The following ANTXR1 variants were observed in gnomAD, a reference collection of about 807,000 sequenced individuals.
The protein encoded by ANTXR1 is anthrax toxin receptor 1.
In ANTXR1, 19 loss-of-function variants were observed where a neutral mutation model predicts 78.1. The observed-to-expected ratio is 0.24, with a 90% CI of 0.17 to 0.36. The LOEUF is 0.36. Ranked by LOEUF, ANTXR1 falls within the 10% of genes least tolerant of loss-of-function variation. The pLI is 1.00. For synonymous variants in ANTXR1, 273 were observed against 260.5 expected (o/e 1.05, Z -0.46); for missense variants, 518 against 718.6 (o/e 0.72, Z 3.19).
rs1673970735 is a variant in ANTXR1 at position 69,171,080 on chromosome 2, A to G, written c.1089+791A>G. Reference sequence around the variant, plus strand: ...TCTAAACACTCAATGAGACCAAAAGATAGATTGATAAGGTTTCAAGTTCTT... The same window carrying G: ...TCTAAACACTCAATGAGACCAAAAGGTAGATTGATAAGGTTTCAAGTTCTT... On this transcript the variant is annotated intron_variant, in intron 14 of 17. Transcript: ENST00000303714. Among the ~76,000 whole-genome samples the G allele has an allele frequency of 3.9e-5, 6 of 152,368 alleles. No homozygotes were observed. In the South Asian group the frequency reaches 1.0e-3, roughly 26 times the overall value.
intron 13 of ANTXR1, among the ~76,000 whole-genome samples, chr2:69,166,837 CAG>C (rs1298888173): frequency 6.6e-6 from 1 of 152,198 alleles, no homozygotes; most frequent in East Asian, 1.9e-4. Flanking sequence ...TAGTTGGAAA[CAG>C]AGGATTTCTA....
chr2:69,053,907 C>T (rs912627174), intron 3 of ANTXR1, among the ~76,000 whole-genome samples: 12 of 152,136 alleles, frequency 7.9e-5, no homozygotes, highest in Non-Finnish European at 1.5e-5. Flanking sequence ...CATTACAAAG[C>T]TACCCAGTAC....
chr2:69,043,117 A>C (rs1377528245), intron 2 of ANTXR1, among the ~76,000 whole-genome samples: 1 of 152,148 alleles, frequency 6.6e-6, no homozygotes, highest in East Asian at 1.9e-4. Flanking sequence ...CCAGAGCTGA[A>C]CTTGACAGAA....
chr2:69,070,577 A>G, intron 3 of ANTXR1, 70 bp from the exon 4 acceptor site: 2 of 1,380,268 alleles, frequency 1.4e-6, no homozygotes, highest in Non-Finnish European at 2.1e-6. Context: ...GAAGAAGACT[A>G]GTACTTATGA....
chr2:69,142,217 C>A (rs1346346717), intron 12 of ANTXR1, among the ~76,000 whole-genome samples: 1 of 152,170 alleles, frequency 6.6e-6, no homozygotes, highest in Non-Finnish European at 1.5e-5. Flanking sequence ...GGGAATTGAG[C>A]AGCCACAGGA....
intron 6 of ANTXR1, among the ~76,000 whole-genome samples, chr2:69,074,073 C>T (rs1472895015): frequency 2.0e-5 from 3 of 152,202 alleles, no homozygotes; most frequent in Non-Finnish European, 2.9e-5. Context: ...AAACTAGAGG[C>T]ACAGAGGTGA....
chr2:69,141,078 C>T (rs1245732406), intron 12 of ANTXR1, among the ~76,000 whole-genome samples: 1 of 152,160 alleles, frequency 6.6e-6, no homozygotes, highest in South Asian at 2.1e-4. Context: ...ACATGGATGG[C>T]AATCTTAAGG....
intron 3 of ANTXR1, among the ~76,000 whole-genome samples, chr2:69,048,627 A>G (rs1387959974): frequency 6.6e-6 from 1 of 152,122 alleles, no homozygotes; most frequent in African/African-American, 2.4e-5. Flanking sequence ...TTTACCAACA[A>G]CTTGAACAGT....
At chr2:69,170,425 T>G in intron 14 of ANTXR1, 136 bp downstream of exon 14, 1 of 1,012,000 alleles carries the variant, frequency 9.9e-7, no homozygotes, top group South Asian at 1.4e-5. Context: ...TACCTGCCTG[T>G]GAAGCAGAAG....
intron 11 of ANTXR1, 55 bp downstream of exon 11, chr2:69,123,141 T>G: frequency 6.4e-7 from 1 of 1,560,874 alleles, no homozygotes. Flanking sequence ...AGAGGAGGTG[T>G]ACGGGGACAG....
chr2:69,157,342 C>G (rs1272240035), intron 13 of ANTXR1, among the ~76,000 whole-genome samples: 1 of 152,050 alleles, frequency 6.6e-6, no homozygotes, highest in Non-Finnish European at 1.5e-5. Context: ...TGGTCAGTGT[C>G]ACCAGCTCCC....
At chr2:69,098,457 A>G (rs1313497994) in intron 9 of ANTXR1, among the ~76,000 whole-genome samples, 4 of 152,240 alleles carry the variant, frequency 2.6e-5, no homozygotes, top group Middle Eastern at 3.2e-3. Context: ...TTGGGTGACC[A>G]GAACAAGTGG....
intron 1 of ANTXR1, among the ~76,000 whole-genome samples, chr2:69,018,806 T>C (rs560095268): frequency 4.0e-4 from 61 of 152,294 alleles, no homozygotes; most frequent in African/African-American, 7.2e-4. Flanking sequence ...CACATGGCAA[T>C]ACAACTAGAG....
At chr2:69,212,931 T>TAAGTAGCTAAG (rs111495482) in intron 17 of ANTXR1, among the ~76,000 whole-genome samples, 8,475 of 148,102 alleles carry the variant, frequency 0.057, 681 homozygotes, top group African/African-American at 0.17. Context: ...CTCAGCCTCC[T>TAAGTAGCTAAG]AAGTAGCTAA....
intron 9 of ANTXR1, among the ~76,000 whole-genome samples, chr2:69,091,872 C>T (rs1023597973): frequency 1.3e-5 from 2 of 152,142 alleles, no homozygotes; most frequent in Admixed American, 1.3e-4. Context: ...GGGTCATGCT[C>T]GTTTCATATT....
chr2:69,105,179 A>C (rs938307997), intron 10 of ANTXR1, among the ~76,000 whole-genome samples: 4 of 152,182 alleles, frequency 2.6e-5, no homozygotes, highest in Admixed American at 6.5e-5. Flanking sequence ...GGGAAATTTT[A>C]TTTCTTTCTT....
chr2:69,043,713 G>A (rs1187028137), intron 2 of ANTXR1, among the ~76,000 whole-genome samples: 1 of 152,162 alleles, frequency 6.6e-6, no homozygotes, highest in African/African-American at 2.4e-5. Flanking sequence ...TAAGTGACAG[G>A]TTCTAATTTT....
intron 12 of ANTXR1, among the ~76,000 whole-genome samples, chr2:69,133,833 G>T (rs1292412092): frequency 6.6e-6 from 1 of 152,140 alleles, no homozygotes; most frequent in African/African-American, 2.4e-5. Context: ...GAAATATGTG[G>T]CTTAGCAAAA....
rs10195638 is a variant in ANTXR1 at position 69,025,933 on chromosome 2, G to A, written c.152+12282G>A. On this transcript the variant is annotated intron_variant, in intron 1 of 17. Transcript: ENST00000303714. ...GTAAAAGACAATATCAAAAGGAAAGGGGATTGAAGGTCAAACAGGTAAAGC... is the reference window on the plus strand; with the variant it reads ...GTAAAAGACAATATCAAAAGGAAAGAGGATTGAAGGTCAAACAGGTAAAGC... Among the ~76,000 whole-genome samples the A allele has an allele frequency of 5.1e-4, 78 of 152,310 alleles. 1 individual carries two copies. Among genetic ancestry groups the A allele is most frequent in the African/African-American group, 1.8e-3 (74 of 41,572 alleles).
Sources: gnomAD v4.1 joint callset for allele counts (sites outside exome capture counted in the v4.1 genomes callset) on GRCh38, gnomAD v4.1.1 for gene constraint, MANE v1.5 for transcripts, NCBI Gene and HGNC (gene_info 2026-07-23, HGNC 2026-07-21) for gene names.